CUBN: variants seen among roughly 807,000 people sequenced by gnomAD.
CUBN encodes cubilin, also known as 460 kDa receptor.
A neutral mutation model predicts 405.3 loss-of-function variants in CUBN; 282 were observed. That is an observed-to-expected ratio of 0.70 (90% CI 0.63 to 0.77). The LOEUF (loss-of-function observed/expected upper bound fraction) is 0.77. Ranked by LOEUF, CUBN falls within the 30% of genes least tolerant of loss-of-function variation. The probability of loss-of-function intolerance (pLI) is 0.00; values close to 1 mark genes in which losing one functional copy is unlikely to be tolerated. For synonymous variants in CUBN, 1,684 were observed against 1,617.0 expected, an observed-to-expected ratio of 1.04 and a Z score of -0.99; for missense variants, 4,514 against 4,475.2, an observed-to-expected ratio of 1.01 and a Z score of -0.25.
intron 4 of CUBN, among the ~76,000 whole-genome samples, chr10:17,125,197 GCACACACATACATATATATTATATA>G (rs1837147810): frequency 6.6e-6 from 1 of 151,918 alleles, no homozygotes; most frequent in East Asian, 1.9e-4. Flanking sequence ...ATATATGTAT[GCACACACATACATATATATTATATA>G]TGTGTCTATA....
At chr10:16,921,221 T>A (rs751116216) in intron 43 of CUBN, among the ~76,000 whole-genome samples, 1 of 152,210 alleles carries the variant, frequency 6.6e-6, no homozygotes, top group Non-Finnish European at 1.5e-5. Context: ...GCACATTACA[T>A]TAGGCTCCAC....
At chr10:16,835,681 T>C (rs951324806) in intron 63 of CUBN, among the ~76,000 whole-genome samples, 40 of 152,128 alleles carry the variant, frequency 2.6e-4, no homozygotes, top group African/African-American at 9.4e-4. Context: ...AAGCTTTCAT[T>C]TGAGTCAATT....
At chr10:17,125,171 G>A (rs923281345) in intron 4 of CUBN, among the ~76,000 whole-genome samples, 70 of 151,832 alleles carry the variant, frequency 4.6e-4, no homozygotes, top group African/African-American at 1.7e-3. Context: ...GGGGCAAACT[G>A]TTGATTACAT....
chr10:17,048,198 G>A (rs1835183222), intron 22 of CUBN, among the ~76,000 whole-genome samples: 1 of 152,252 alleles, frequency 6.6e-6, no homozygotes, highest in South Asian at 2.1e-4. Flanking sequence ...AGGTTTAAGA[G>A]TTAAAGATAA....
chr10:16,930,711 C>T (rs941781317), intron 40 of CUBN, among the ~76,000 whole-genome samples: 1 of 152,092 alleles, frequency 6.6e-6, no homozygotes, highest in Non-Finnish European at 1.5e-5. Flanking sequence ...AATGAATAAG[C>T]AGGTGGGACA....
At chr10:16,904,184 T>C in intron 50 of CUBN, 69 bp from the exon 51 acceptor site, 10 of 1,444,636 alleles carry the variant, frequency 6.9e-6, no homozygotes, top group Non-Finnish European at 4.9e-6. Flanking sequence ...ATGAATTTGA[T>C]AAAAACAAAT....
At chr10:16,845,997 C>T (rs1232366366) in intron 60 of CUBN, among the ~76,000 whole-genome samples, 1 of 152,166 alleles carries the variant, frequency 6.6e-6, no homozygotes, top group African/African-American at 2.4e-5. Flanking sequence ...TCCCACATAA[C>T]TTTTGAATGT....
At chr10:17,072,674 G>GT (rs1014544986) in intron 17 of CUBN, among the ~76,000 whole-genome samples, 3 of 152,004 alleles carry the variant, frequency 2.0e-5, no homozygotes, top group African/African-American at 7.2e-5. Context: ...TTCAAGAACT[G>GT]TTTTTTTGAG....
At chr10:16,912,006 C>G (rs7904912) in intron 48 of CUBN, among the ~76,000 whole-genome samples, 1 of 152,018 alleles carries the variant, frequency 6.6e-6, no homozygotes, top group African/African-American at 2.4e-5. Flanking sequence ...TCTACTTCAT[C>G]TTTGTTTATA....
chr10:17,085,254 T>C (rs1190906819), intron 16 of CUBN, among the ~76,000 whole-genome samples: 1 of 152,066 alleles, frequency 6.6e-6, no homozygotes, highest in African/African-American at 2.4e-5. Context: ...GAGGATAAAA[T>C]CCAGAGAGAC....
chr10:16,849,203 C>T (rs1044041642), intron 60 of CUBN, among the ~76,000 whole-genome samples: 1 of 152,150 alleles, frequency 6.6e-6, no homozygotes, highest in African/African-American at 2.4e-5. Flanking sequence ...ACCACCCATG[C>T]TTTGTAAAAG....
intron 58 of CUBN, 70 bp downstream of exon 58, chr10:16,874,304 A>G: frequency 1.3e-6 from 2 of 1,531,058 alleles, no homozygotes; most frequent in East Asian, 2.3e-5. Context: ...CCCTCCATCA[A>G]TAAACGAATG....
At chr10:17,113,432 A>T (rs1490051271) in intron 8 of CUBN, among the ~76,000 whole-genome samples, 1 of 152,182 alleles carries the variant, frequency 6.6e-6, no homozygotes, top group Non-Finnish European at 1.5e-5. Flanking sequence ...CTACAAAAAA[A>T]AAAATGTGTG....
chr10:17,129,504 A>C, intron 1 of CUBN, 140 bp downstream of exon 1: 1 of 1,134,958 alleles, frequency 8.8e-7, no homozygotes, highest in East Asian at 2.3e-5. Context: ...TTCATACCTC[A>C]GTCTAAATGT....
intron 27 of CUBN, among the ~76,000 whole-genome samples, chr10:17,039,768 G>C (rs959222810): frequency 6.6e-6 from 1 of 152,030 alleles, no homozygotes; most frequent in African/African-American, 2.4e-5. Flanking sequence ...TAGAATACTG[G>C]TAAACAAAAC....
intron 59 of CUBN, among the ~76,000 whole-genome samples, chr10:16,860,057 G>A (rs1237335414): frequency 6.6e-6 from 1 of 151,994 alleles, no homozygotes; most frequent in Non-Finnish European, 1.5e-5. Context: ...GTCACAGGAT[G>A]TATAAATAAT....
chr10:16,843,617 G>C (rs1839424617), intron 60 of CUBN, among the ~76,000 whole-genome samples: 1 of 152,126 alleles, frequency 6.6e-6, no homozygotes, highest in Non-Finnish European at 1.5e-5. Flanking sequence ...AAAATTTCAT[G>C]ATAATCATTG....
intron 31 of CUBN, among the ~76,000 whole-genome samples, chr10:16,968,746 G>C (rs1351321245): frequency 6.6e-6 from 1 of 152,224 alleles, no homozygotes; most frequent in East Asian, 1.9e-4. Flanking sequence ...CTGTCAGTCA[G>C]AGGTCACTTT....
chr10:17,068,739 T>C lies in CUBN; in HGVS notation c.2657A>G (p.Glu886Gly). The C allele has an allele frequency of 1.9e-6, 3 of 1,612,648 alleles. No individual in the cohort carries two copies. Among genetic ancestry groups the C allele is most frequent in the East Asian group, 2.2e-5 (1 of 44,784 alleles). ...GTCTGTACCGCAATACTTTTTATTT[T>C]CAGGAGAACCCAAAATGGAACTGCT... is the stretch of plus-strand genomic sequence containing the variant. ...IGSSSILGSP[E>G]NKKYCGTDIP... The change falls in exon 20 of 67, where the codon GAA becomes GGA. Residue 886 changes from glutamate to glycine, a missense_variant. Physicochemically the swap from Glu to Gly is moderately conservative, Grantham distance 98 (BLOSUM62 -2). Coordinates refer to ENST00000377833, the MANE Select transcript of CUBN (RefSeq NM_001081.4).
Sources: gnomAD v4.1 joint callset for allele counts (sites outside exome capture counted in the v4.1 genomes callset) on GRCh38, gnomAD v4.1.1 for gene constraint, MANE v1.5 for transcripts, NCBI Gene and HGNC (gene_info 2026-07-23, HGNC 2026-07-21) for gene names.